The following PLA2G5 variants were observed in gnomAD, a reference collection of about 807,000 sequenced individuals.
PLA2G5 encodes the protein phospholipase A2 group V.
Under a neutral mutation model 15.9 loss-of-function variants are expected in PLA2G5, and 12 were observed. The observed-to-expected ratio is 0.76, with a 90% CI of 0.48 to 1.23. The LOEUF (loss-of-function observed/expected upper bound fraction) is 1.23, where lower values mean the gene tolerates loss of function less well. PLA2G5 is among the 50% of genes most tolerant of loss of function. PLA2G5 has a pLI of 0.00. For missense variants in PLA2G5, 169 were observed against 177.1 expected (o/e 0.95, Z 0.26); for synonymous variants, 71 against 71.4 (o/e 0.99, Z 0.03).
chr1:20,058,332 CTGTTA>C (rs1416448006), intron 1 of PLA2G5, among the ~76,000 whole-genome samples: 1 of 152,176 alleles, frequency 6.6e-6, no homozygotes, highest in Non-Finnish European at 1.5e-5. Context: ...ACATTAAGGA[CTGTTA>C]TGTCTTCTTG....
chr1:20,057,817 T>C (rs1569712087), intron 1 of PLA2G5, among the ~76,000 whole-genome samples: 1 of 152,298 alleles, frequency 6.6e-6, no homozygotes, highest in Middle Eastern at 3.4e-3. Context: ...CAAATTTTGG[T>C]GTTATATTTT....
At chr1:20,044,372 G>GGT (rs1553171700) in intron 1 of PLA2G5, among the ~76,000 whole-genome samples, 1 of 151,848 alleles carries the variant, frequency 6.6e-6, no homozygotes, top group Non-Finnish European at 1.5e-5. Flanking sequence ...CCTGTTGTGG[G>GGT]GGGGGTTTGA....
At chr1:20,061,327 C>T (rs1435890292) in intron 2 of PLA2G5, among the ~76,000 whole-genome samples, 2 of 152,094 alleles carry the variant, frequency 1.3e-5, no homozygotes, top group Admixed American at 6.5e-5. Context: ...GCTCACACCT[C>T]TAATCCCAGC....
chr1:20,082,027 G>A (rs1307284342), intron 1 of PLA2G5, among the ~76,000 whole-genome samples: 1 of 151,246 alleles, frequency 6.6e-6, no homozygotes, highest in Non-Finnish European at 1.5e-5. Flanking sequence ...ACTCCAGCCT[G>A]GTGACAGAGT....
At chr1:20,088,121 G>A (rs1468926102) in intron 3 of PLA2G5, among the ~76,000 whole-genome samples, 1 of 150,532 alleles carries the variant, frequency 6.6e-6, no homozygotes, top group East Asian at 1.9e-4. Flanking sequence ...ACTTTGGGAG[G>A]CCAAGACAGG....
chr1:20,070,572 G>C (rs1346562686), intron 1 of PLA2G5, 107 bp downstream of exon 1: 5 of 620,594 alleles, frequency 8.1e-6, no homozygotes, highest in Non-Finnish European at 2.0e-6. Flanking sequence ...GGAGGCCCAG[G>C]GGGAGGTGCG....
At chr1:20,070,538 A>C in intron 1 of PLA2G5, 73 bp downstream of exon 1, 2 of 904,632 alleles carry the variant, frequency 2.2e-6, no homozygotes, top group Non-Finnish European at 2.6e-6. Flanking sequence ...AGACTGGAGA[A>C]GGGGGTGTGT....
chr1:20,034,046 G>A (rs1038193107), intron 1 of PLA2G5, among the ~76,000 whole-genome samples: 2 of 152,176 alleles, frequency 1.3e-5, no homozygotes, highest in African/African-American at 4.8e-5. Flanking sequence ...CCCAAGGTAA[G>A]TGACCTGGGT....
At chr1:20,078,541 G>T (rs1203470255) in intron 1 of PLA2G5, among the ~76,000 whole-genome samples, 1 of 152,036 alleles carries the variant, frequency 6.6e-6, no homozygotes, top group East Asian at 1.9e-4. Context: ...CTGTCTTCAC[G>T]ATCTGTTTCC....
chr1:20,043,896 A>G (rs2013751570), intron 1 of PLA2G5, among the ~76,000 whole-genome samples: 1 of 152,170 alleles, frequency 6.6e-6, no homozygotes, highest in Non-Finnish European at 1.5e-5. Flanking sequence ...ACCTGAAGCT[A>G]GGCATGCGTG....
At chr1:20,070,122 C>A, upstream of PLA2G5, 1 of 839,330 alleles carries the variant, frequency 1.2e-6, no homozygotes, top group Non-Finnish European at 1.4e-6. Context: ...CTCTGGGTGA[C>A]TGCCCAGCCC....
chr1:20,074,328 G>T (rs1302527394), intron 1 of PLA2G5, among the ~76,000 whole-genome samples: 1 of 152,158 alleles, frequency 6.6e-6, no homozygotes, highest in African/African-American at 2.4e-5. Context: ...TGCATAAACT[G>T]TTGCAGGGAG....
intron 3 of PLA2G5, 82 bp from the exon 4 acceptor site, chr1:20,089,707 A>G (rs928541228): frequency 4.7e-6 from 5 of 1,070,316 alleles, no homozygotes; most frequent in Non-Finnish European, 7.2e-6. Flanking sequence ...CTAAAGTGAC[A>G]TGGTTGAATT....
upstream of PLA2G5, among the ~76,000 whole-genome samples, chr1:20,069,663 AAAAGAAAGAAAGAAAGAAAG>A (rs57068796): frequency 0.13 from 18,839 of 142,482 alleles, 1,342 homozygotes; most frequent in Middle Eastern, 0.17. Flanking sequence ...CTCAGCTCAG[AAAAGAAAGAAAGAAAGAAAG>A]AAAGAAAGAA....
At chr1:20,030,491 C>T (rs557900505) in intron 1 of PLA2G5, among the ~76,000 whole-genome samples, 3 of 152,128 alleles carry the variant, frequency 2.0e-5, no homozygotes, top group East Asian at 1.9e-4. Flanking sequence ...AGTTTTACAC[C>T]GAGACATTCC....
intron 1 of PLA2G5, among the ~76,000 whole-genome samples, chr1:20,076,213 A>T (rs529334307): frequency 2.9e-4 from 44 of 152,176 alleles, no homozygotes; most frequent in African/African-American, 9.2e-4. Flanking sequence ...GCATTTATAC[A>T]TTGGCAGCTA....
intron 1 of PLA2G5, among the ~76,000 whole-genome samples, chr1:20,071,363 C>T (rs1024552929): frequency 6.6e-6 from 1 of 152,150 alleles, no homozygotes; most frequent in Admixed American, 6.5e-5. Flanking sequence ...AAATGAGACA[C>T]CCTCAAGGAT....
chr1:20,065,046 C>T (rs2014947145), intron 2 of PLA2G5, among the ~76,000 whole-genome samples: 1 of 152,134 alleles, frequency 6.6e-6, no homozygotes, highest in Non-Finnish European at 1.5e-5. Context: ...ATTTACCATG[C>T]TTGCATTGTA....
At chr1:20,046,493 C>T (rs187092410) in intron 1 of PLA2G5, among the ~76,000 whole-genome samples, 5 of 152,336 alleles carry the variant, frequency 3.3e-5, no homozygotes, top group African/African-American at 1.2e-4. Context: ...ATATCTCCTT[C>T]CCTCTCTTGC....
Sources: allele counts gnomAD v4.1 joint callset (sites outside exome capture counted in the v4.1 genomes callset), GRCh38; gene constraint gnomAD v4.1.1; transcripts MANE v1.5; gene names NCBI Gene and HGNC (gene_info 2026-07-23, HGNC 2026-07-21).